NAALADL2: variants seen among roughly 807,000 people sequenced by gnomAD.
NAALADL2 encodes N-acetylated alpha-linked acidic dipeptidase like 2.
Under a neutral mutation model 87.2 loss-of-function variants are expected in NAALADL2, and 76 were observed. The observed-to-expected ratio is 0.87, with a 90% CI of 0.72 to 1.05. The LOEUF (loss-of-function observed/expected upper bound fraction) is 1.05. Among genes scored for constraint, NAALADL2 ranks in the 50% least tolerant of loss-of-function variants. NAALADL2 has a pLI of 0.00. For synonymous variants in NAALADL2, 354 were observed against 331.0 expected (o/e 1.07, Z -0.75); for missense variants, 1,089 against 945.8 (o/e 1.15, Z -1.99).
intron 13 of NAALADL2, among the ~76,000 whole-genome samples, chr3:175,766,925 G>T (rs1297004078): frequency 6.6e-6 from 1 of 151,998 alleles, no homozygotes; most frequent in African/African-American, 2.4e-5. Context: ...AAAAAAATAC[G>T]GAGCAAGTAT....
intron 11 of NAALADL2, among the ~76,000 whole-genome samples, chr3:175,667,225 AAGAAAGAAAG>A (rs1267534352): frequency 8.0e-6 from 1 of 124,598 alleles, no homozygotes; most frequent in East Asian, 2.2e-4. Context: ...GAAAGAAAGA[AAGAAAGAAAG>A]AAAGAAAAAG....
intron 11 of NAALADL2, among the ~76,000 whole-genome samples, chr3:175,736,075 T>C (rs986705210): frequency 2.0e-5 from 3 of 152,076 alleles, no homozygotes; most frequent in Non-Finnish European, 2.9e-5. Context: ...TAAATATCAC[T>C]TATGAGAGAG....
At chr3:175,551,955 G>A (rs1015552903) in intron 9 of NAALADL2, among the ~76,000 whole-genome samples, 1 of 149,894 alleles carries the variant, frequency 6.7e-6, no homozygotes, top group Admixed American at 6.6e-5. Flanking sequence ...TATTTTTCTA[G>A]GTTATCCCCT....
At chr3:174,508,016 AT>A (rs1304281221) in intron 1 of NAALADL2, among the ~76,000 whole-genome samples, 1 of 151,488 alleles carries the variant, frequency 6.6e-6, no homozygotes, top group Non-Finnish European at 1.5e-5. Flanking sequence ...ACCATTTTGC[AT>A]TTCTGCTAGC....
chr3:175,544,106 T>C (rs969930647), intron 9 of NAALADL2, among the ~76,000 whole-genome samples: 3 of 152,142 alleles, frequency 2.0e-5, no homozygotes, highest in Non-Finnish European at 4.4e-5. Flanking sequence ...TTCAACAGTG[T>C]CAGGATTCTG....
intron 13 of NAALADL2, among the ~76,000 whole-genome samples, chr3:175,790,780 C>G (rs926596923): frequency 3.3e-5 from 5 of 152,136 alleles, no homozygotes; most frequent in Admixed American, 1.3e-4. Context: ...TAAGTCTGTC[C>G]AAAACATTCA....
At chr3:175,157,077 G>C (rs1732432312) in intron 2 of NAALADL2, among the ~76,000 whole-genome samples, 2 of 151,576 alleles carry the variant, frequency 1.3e-5, no homozygotes, top group South Asian at 4.2e-4. Flanking sequence ...CAGTCTTTTA[G>C]AAAGTTTGGA....
At chr3:174,744,893 A>T (rs1266519102) in intron 3 of NAALADL2, among the ~76,000 whole-genome samples, 1 of 152,184 alleles carries the variant, frequency 6.6e-6, no homozygotes, top group Non-Finnish European at 1.5e-5. Context: ...AGTTCTTTGA[A>T]ACCAGTGAGA....
At chr3:175,553,414 G>A (rs1268341662) in intron 9 of NAALADL2, among the ~76,000 whole-genome samples, 1 of 152,088 alleles carries the variant, frequency 6.6e-6, no homozygotes, top group Non-Finnish European at 1.5e-5. Context: ...TTCTCCATGA[G>A]TCCAAATCCT....
At chr3:175,235,200 T>C in intron 3 of NAALADL2, 1 of 152,176 alleles carries the variant, frequency 6.6e-6, no homozygotes, top group East Asian at 1.9e-4. Context: ...TATGGAATGT[T>C]TAAATCATTT....
At chr3:174,721,298 A>G (rs1040499078) in intron 2 of NAALADL2, among the ~76,000 whole-genome samples, 3 of 152,316 alleles carry the variant, frequency 2.0e-5, no homozygotes, top group Admixed American at 2.0e-4. Context: ...AGCATTTGTA[A>G]TATGACAGTG....
intron 5 of NAALADL2, among the ~76,000 whole-genome samples, chr3:175,374,082 C>A (rs1320864462): frequency 1.3e-5 from 2 of 151,932 alleles, no homozygotes; most frequent in African/African-American, 4.8e-5. Context: ...TATTTTCTAC[C>A]AATTAGTGGC....
chr3:174,531,939 A>C (rs1403650110), intron 1 of NAALADL2, among the ~76,000 whole-genome samples: 1 of 152,190 alleles, frequency 6.6e-6, no homozygotes, highest in African/African-American at 2.4e-5. Context: ...CAAAATATTA[A>C]AGTCCTCATA....
chr3:175,014,375 C>T (rs1750550085), intron 1 of NAALADL2, among the ~76,000 whole-genome samples: 1 of 152,112 alleles, frequency 6.6e-6, no homozygotes, highest in Admixed American at 6.6e-5. Flanking sequence ...TATTCTTAAT[C>T]ATTTTTAACA....
chr3:174,626,480 C>T (rs1258646133), intron 2 of NAALADL2, among the ~76,000 whole-genome samples: 6 of 151,876 alleles, frequency 4.0e-5, no homozygotes, highest in African/African-American at 1.5e-4. Flanking sequence ...TGGGTTTTCA[C>T]CTTTTGGTTT....
intron 1 of NAALADL2, among the ~76,000 whole-genome samples, chr3:174,996,192 A>T (rs183260502): frequency 6.6e-6 from 1 of 152,296 alleles, no homozygotes; most frequent in East Asian, 1.9e-4. Flanking sequence ...TAGTTCCATT[A>T]TTTTTCTAAA....
chr3:174,679,439 G>T (rs570268592), intron 2 of NAALADL2, among the ~76,000 whole-genome samples: 2 of 152,016 alleles, frequency 1.3e-5, no homozygotes, highest in South Asian at 2.1e-4. Flanking sequence ...TACAATTTCT[G>T]TAAACATGTT....
intron 5 of NAALADL2, among the ~76,000 whole-genome samples, chr3:175,339,771 C>G (rs1762392645): frequency 6.6e-6 from 1 of 152,096 alleles, no homozygotes; most frequent in African/African-American, 2.4e-5. Context: ...CCTTTCAGAC[C>G]TTATCCATTA....
chr3:175,013,137 A>T (rs1230579225), intron 1 of NAALADL2, among the ~76,000 whole-genome samples: 1 of 108,956 alleles, frequency 9.2e-6, no homozygotes, highest in Non-Finnish European at 1.9e-5. Context: ...TTTATATATA[A>T]ATATGTAATA....
Sources: allele counts gnomAD v4.1 joint callset (sites outside exome capture counted in the v4.1 genomes callset), GRCh38; gene constraint gnomAD v4.1.1; transcripts MANE v1.5; gene names NCBI Gene and HGNC (gene_info 2026-07-23, HGNC 2026-07-21).